NCOA1: variants seen among roughly 807,000 people sequenced by gnomAD.
The protein encoded by NCOA1 is Hin-2 protein.
Under a neutral mutation model 150.9 loss-of-function variants are expected in NCOA1, and 35 were observed. The ratio of observed to expected loss-of-function variants is 0.23; its 90% CI spans 0.18 to 0.31. The LOEUF is 0.31. NCOA1 is among the 10% of genes least tolerant of loss of function. The pLI, the probability that NCOA1 is intolerant of heterozygous loss-of-function variation, is 1.00. For missense variants in NCOA1, 1,491 were observed against 1,749.3 expected (o/e 0.85, Z 2.63); for synonymous variants, 590 against 630.0 (o/e 0.94, Z 0.95).
intron 5 of NCOA1, among the ~76,000 whole-genome samples, chr2:24,660,276 T>G (rs1483660156): frequency 1.3e-5 from 2 of 152,080 alleles, no homozygotes; most frequent in Admixed American, 6.6e-5. Flanking sequence ...GGAAATTTTT[T>G]AAATATATAA....
chr2:24,606,562 A>G (rs1668378827), intron 3 of NCOA1, among the ~76,000 whole-genome samples: 1 of 152,148 alleles, frequency 6.6e-6, no homozygotes, highest in Admixed American at 6.5e-5. Context: ...GTTAAACTGC[A>G]CTTATATTTC....
At chr2:24,752,552 C>G (rs1340225076) in intron 20 of NCOA1, among the ~76,000 whole-genome samples, 4 of 152,222 alleles carry the variant, frequency 2.6e-5, no homozygotes, top group African/African-American at 9.6e-5. Flanking sequence ...AGGTCCCCAA[C>G]CTTTCCATCC....
intron 4 of NCOA1, among the ~76,000 whole-genome samples, chr2:24,651,690 A>G (rs1031462226): frequency 4.6e-5 from 7 of 152,102 alleles, no homozygotes; most frequent in Admixed American, 4.6e-4. Context: ...AAATATACAC[A>G]GTAAAATTTA....
chr2:24,631,503 C>T (rs1395530789), intron 3 of NCOA1, among the ~76,000 whole-genome samples: 1 of 152,116 alleles, frequency 6.6e-6, no homozygotes. Flanking sequence ...AGAGAATTTA[C>T]TGTCCTTTAG....
chr2:24,543,478 G>A (rs909915997), intron 1 of NCOA1, among the ~76,000 whole-genome samples: 21 of 152,054 alleles, frequency 1.4e-4, no homozygotes, highest in Admixed American at 5.2e-4. Flanking sequence ...AAATCAAATC[G>A]TAGCAGAGAT....
intron 3 of NCOA1, among the ~76,000 whole-genome samples, chr2:24,625,464 A>G (rs1572507894): frequency 6.6e-6 from 1 of 151,076 alleles, no homozygotes. Flanking sequence ...TCAAGGAACT[A>G]ACTTTTGCTT....
At chr2:24,514,404 G>A (rs538430261) in intron 1 of NCOA1, among the ~76,000 whole-genome samples, 15 of 151,376 alleles carry the variant, frequency 9.9e-5, no homozygotes, top group African/African-American at 1.5e-4. Flanking sequence ...TATATTACTC[G>A]ATTAAGCTCT....
intron 1 of NCOA1, among the ~76,000 whole-genome samples, chr2:24,523,178 CT>C (rs1230639112): frequency 6.6e-6 from 1 of 152,136 alleles, no homozygotes; most frequent in East Asian, 1.9e-4. Flanking sequence ...CCCTTGATGT[CT>C]TTCTCTCAGT....
intron 1 of NCOA1, among the ~76,000 whole-genome samples, chr2:24,559,312 A>G (rs115131052): frequency 3.4e-4 from 52 of 152,254 alleles, no homozygotes; most frequent in African/African-American, 1.2e-3. Context: ...TCAGTGCACC[A>G]CAAGCTTCAT....
At chr2:24,628,580 C>T (rs1410179187) in intron 3 of NCOA1, among the ~76,000 whole-genome samples, 1 of 152,124 alleles carries the variant, frequency 6.6e-6, no homozygotes, top group Non-Finnish European at 1.5e-5. Context: ...AACACATAAT[C>T]ACACAACAAA....
At chr2:24,548,303 A>C (rs1665687859) in intron 1 of NCOA1, among the ~76,000 whole-genome samples, 1 of 152,194 alleles carries the variant, frequency 6.6e-6, no homozygotes, top group South Asian at 2.1e-4. Context: ...AAAGCATCAG[A>C]TGTTGTGAGA....
intron 1 of NCOA1, among the ~76,000 whole-genome samples, chr2:24,547,061 G>GTCC (rs1333192588): frequency 3.3e-5 from 5 of 152,160 alleles, no homozygotes. Flanking sequence ...TAGGTGGAAT[G>GTCC]ACATGTGCAC....
At chr2:24,649,625 A>C (rs1344060104) in intron 4 of NCOA1, among the ~76,000 whole-genome samples, 1 of 152,248 alleles carries the variant, frequency 6.6e-6, no homozygotes, top group East Asian at 1.9e-4. Flanking sequence ...GGAATATTTT[A>C]ATAAGGCAAA....
Position 24,768,516 on chromosome 2 carries a change from CAAAAAAAAAAAAAAA to C in NCOA1, c.*136_*150del, listed in dbSNP as rs772970404. On this transcript the variant is annotated 3_prime_UTR_variant, in exon 23 of 23. Transcript: ENST00000348332. ...ATTCTTCAGGTCGTAGCATTTGGAGCAAAAAAAAAAAAAAAAAAAAAAAAAGGAGTTTGCTTTTGT... is the reference window on the plus strand; with the variant it reads ...ATTCTTCAGGTCGTAGCATTTGGAGCAAAAAAAAAAGGAGTTTGCTTTTGT... The C allele has an allele frequency of 4.0e-4, 22 of 55,230 alleles. 2 individuals carry two copies. Among genetic ancestry groups the C allele is most frequent in the African/African-American group, 1.0e-3 (13 of 12,472 alleles). 3.4% of individuals were successfully genotyped at this position (55,230 alleles called of 1,614,324 possible). A position where few individuals can be genotyped will look rare whatever the true frequency, so the allele number is the denominator to read the frequency against.
chr2:24,540,618 C>G (rs1665350923), intron 1 of NCOA1, among the ~76,000 whole-genome samples: 1 of 152,210 alleles, frequency 6.6e-6, no homozygotes, highest in African/African-American at 2.4e-5. Context: ...GCCACCACAC[C>G]TGGCTAATTT....
chr2:24,502,413 A>G (rs1341036928), intron 1 of NCOA1, among the ~76,000 whole-genome samples: 1 of 152,168 alleles, frequency 6.6e-6, no homozygotes, highest in African/African-American at 2.4e-5. Flanking sequence ...TTGGTCAAAC[A>G]ATTAATTAAT....
intron 8 of NCOA1, among the ~76,000 whole-genome samples, chr2:24,689,148 T>A (rs1032535737): frequency 1.3e-5 from 2 of 152,174 alleles, no homozygotes; most frequent in Non-Finnish European, 2.9e-5. Flanking sequence ...TGAAGTTAGA[T>A]AACATGATGC....
chr2:24,729,795 C>T lies in NCOA1; in HGVS notation c.3181C>T (p.Arg1061Ter), dbSNP rs1662896750. 1 of 1,613,018 alleles carries T rather than the reference C, an allele frequency of 6.2e-7. No individual in the cohort carries two copies. Among genetic ancestry groups the T allele is most frequent in the South Asian group, 1.1e-5 (1 of 91,070 alleles). The change falls in exon 17 of 23, where the codon CGA (arginine) becomes TGA (stop). Residue 1061 changes from arginine to a stop codon, truncating the protein, a stop_gained. Coordinates refer to ENST00000348332, the MANE Select transcript of NCOA1 (RefSeq NM_003743.5). LOFTEE classifies it high-confidence loss of function. ...PNQLRLQLQQ[R>*]LQGQQQLIHQ... ...CCAGCTTCGACTTCAACTACAGCAG[C>T]GATTACAGGGACAACAGCAGGTAAG...
At chr2:24,762,902 T>G (rs1484200045) in intron 22 of NCOA1, 126 bp downstream of exon 22, 1 of 800,260 alleles carries the variant, frequency 1.2e-6, no homozygotes, top group East Asian at 2.5e-5. Context: ...GCTCTGCTCT[T>G]CTTAGCTGTG....
Sources: allele counts gnomAD v4.1 joint callset (sites outside exome capture counted in the v4.1 genomes callset), GRCh38; gene constraint gnomAD v4.1.1; transcripts MANE v1.5; gene names NCBI Gene and HGNC (gene_info 2026-07-23, HGNC 2026-07-21).